Variants in ENPP3 observed in about 807,000 individuals in gnomAD.
The protein encoded by ENPP3 is ectonucleotide pyrophosphatase/phosphodiesterase family member 3.
Under a neutral mutation model 117.8 loss-of-function variants are expected in ENPP3, and 104 were observed. That is an observed-to-expected ratio of 0.88 (90% CI 0.75 to 1.04). The LOEUF is 1.04. Ranked by LOEUF, ENPP3 falls within the 50% of genes least tolerant of loss-of-function variation. The pLI is 0.00. For synonymous variants in ENPP3, 380 were observed against 349.9 expected (o/e 1.09, Z -0.96); for missense variants, 1,026 against 1,051.9 (o/e 0.98, Z 0.34).
rs1778813371 is a variant in ENPP3 at position 131,674,174 on chromosome 6, G to C, written c.655G>C (p.Glu219Gln). The C allele has an allele frequency of 5.2e-6, 8 of 1,549,178 alleles. No homozygotes were observed. Among genetic ancestry groups the C allele is most frequent in the Non-Finnish European group, 6.2e-6 (7 of 1,123,416 alleles). The change falls in exon 8 of 25, where the codon GAG becomes CAG. Residue 219 changes from glutamate (E) to glutamine (Q), a missense_variant. Glu to Gln is a conservative substitution (Grantham distance 29). Coordinates refer to ENST00000357639, the MANE Select transcript of ENPP3 (RefSeq NM_005021.5). ...HYTIVTGLYPESHGIIDNNMY... is the reference protein window; with the variant it reads ...HYTIVTGLYPQSHGIIDNNMY... ...ATTATCATTTTAGGGCTTGTATCCA[G>C]AGTCACATGGCATCATTGACAATAA...
In ENPP3 at chr6:131,726,016, C is replaced by T. The variant is rs1344609253; in HGVS notation, c.1799-30C>T. Reference sequence around the variant, plus strand: ...AAGAAGCATTTGCTAATTTCATGAACCTTTTTATTTTATGTTATTTTAATT... The same window carrying T: ...AAGAAGCATTTGCTAATTTCATGAATCTTTTTATTTTATGTTATTTTAATT... On this transcript the variant is annotated intron_variant, in intron 19 of 24. Coordinates refer to ENST00000357639, the MANE Select transcript of ENPP3 (RefSeq NM_005021.5). 3.2e-6 allele frequency: 5 copies of T among 1,548,526 alleles called. No homozygotes were observed. The Admixed American group carries it at 8.5e-5, about 26-fold the overall frequency.
At chr6:131,717,467 C>G (rs1296117571) in intron 15 of ENPP3, among the ~76,000 whole-genome samples, 2 of 148,392 alleles carry the variant, frequency 1.3e-5, no homozygotes, top group Non-Finnish European at 3.0e-5. Flanking sequence ...TTAGGGCCAG[C>G]CTTTGGAAAT....
chr6:131,674,585 T>G (rs1778824547), intron 8 of ENPP3, among the ~76,000 whole-genome samples: 1 of 151,972 alleles, frequency 6.6e-6, no homozygotes, highest in Non-Finnish European at 1.5e-5. Flanking sequence ...TTTTTTTCTT[T>G]TTTTTTGAGA....
Position 131,652,649 on chromosome 6 carries a change from T to C in ENPP3, c.385T>C (p.Tyr129His). The change falls in exon 4 of 25, where the codon TAT (tyrosine) becomes CAT (histidine). Residue 129 changes from tyrosine to histidine, a missense_variant. By Grantham distance (83) the Tyr-to-His change is moderately conservative. Coordinates refer to ENST00000357639, the MANE Select transcript of ENPP3 (RefSeq NM_005021.5). Reference protein sequence around the residue: ...CLQRKDCCADYKSVCQGETSW... With the variant: ...CLQRKDCCADHKSVCQGETSW... ...GCAGAGGAAAGATTGCTGTGCTGAC[T>C]ATAAGAGTGTTTGCCAAGGTGAGCA... 6.2e-7 allele frequency: 1 copy of C among 1,614,074 alleles called. No homozygotes were observed. Among genetic ancestry groups the C allele is most frequent in the Non-Finnish European group, 8.5e-7 (1 of 1,179,960 alleles).
intron 20 of ENPP3, among the ~76,000 whole-genome samples, chr6:131,727,906 T>C (rs570878023): frequency 6.6e-6 from 1 of 152,338 alleles, no homozygotes; most frequent in South Asian, 2.1e-4. Context: ...ATTGATTGCA[T>C]AGGTTTACCT....
Position 131,641,458 on chromosome 6 carries a change from C to A in ENPP3, c.82C>A (p.Leu28Ile). Residue 28 changes from leucine (L) to isoleucine (I), a missense_variant, in exon 2 of 25, where the codon CTT becomes ATT. Coordinates refer to ENST00000357639, the MANE Select transcript of ENPP3 (RefSeq NM_005021.5). The part of the protein sequence containing the change: ...LKKYKIACIV[L>I]LALLVIMSLG... ...TACTTTTTCCTTTTTGCAATAGGTT[C>A]TTCTTGCTTTGCTGGTGATCATGTC... The A allele has an allele frequency of 1.2e-6, 2 of 1,608,374 alleles. No homozygotes were observed. Among genetic ancestry groups the A allele is most frequent in the East Asian group, 2.2e-5 (1 of 44,806 alleles).
intron 19 of ENPP3, 26 bp downstream of exon 19, chr6:131,724,117 T>C: frequency 6.5e-7 from 1 of 1,545,380 alleles, no homozygotes; most frequent in Non-Finnish European, 8.9e-7. Flanking sequence ...ACATGTTAAG[T>C]CTTTGATATT....
chr6:131,682,851 A>T (rs1779055031), intron 11 of ENPP3, among the ~76,000 whole-genome samples: 1 of 152,194 alleles, frequency 6.6e-6, no homozygotes, highest in African/African-American at 2.4e-5. Context: ...AGGAAGTATG[A>T]TTTAGATTTT....
chr6:131,726,055 C>T lies in ENPP3; in HGVS notation c.1808C>T (p.Thr603Ile), dbSNP rs1186809971. ...GTTATTTTAATTTTAGTAACAGCAA[C>T]AGTGAAAGTAAATTTGCCATTTGGG... ...LNLTQEEITATVKVNLPFGRP... is the reference protein window; with the variant it reads ...LNLTQEEITAIVKVNLPFGRP... Residue 603 changes from threonine to isoleucine, a missense_variant, in exon 20 of 25, where the codon ACA (threonine) becomes ATA (isoleucine). Thr to Ile is a moderately conservative substitution (Grantham distance 89). Transcript: ENST00000357639. The T allele has an allele frequency of 1.2e-6, 2 of 1,608,450 alleles. No individual in the cohort carries two copies. The highest frequency in any genetic ancestry group is 1.7e-4 in the Middle Eastern group (1 of 6,058).
chr6:131,656,490 G>GTACTGTT (rs1778387160), intron 5 of ENPP3, among the ~76,000 whole-genome samples: 7 of 152,076 alleles, frequency 4.6e-5, no homozygotes, highest in Non-Finnish European at 1.5e-5. Context: ...GTCGTAGGCC[G>GTACTGTT]GGCATGGTGG....
At chr6:131,676,249 GTTTTT>G (rs202004046) in intron 9 of ENPP3, among the ~76,000 whole-genome samples, 1 of 139,144 alleles carries the variant, frequency 7.2e-6, no homozygotes, top group Non-Finnish European at 1.6e-5. Flanking sequence ...CTCTGCTCTA[GTTTTT>G]TTTTTTTTTT....
At chr6:131,734,173 A>T (rs1206139272) in intron 21 of ENPP3, among the ~76,000 whole-genome samples, 1 of 152,186 alleles carries the variant, frequency 6.6e-6, no homozygotes, top group Middle Eastern at 3.2e-3. Context: ...AATAAAATAA[A>T]ATAAAAAAAG....
intron 21 of ENPP3, among the ~76,000 whole-genome samples, chr6:131,735,258 G>A (rs1055740665): frequency 1.4e-4 from 22 of 151,930 alleles, no homozygotes; most frequent in Non-Finnish European, 2.8e-4. Context: ...AAAAATAGAA[G>A]TTCTATTACT....
At chr6:131,639,289 T>C (rs1435527687) in intron 1 of ENPP3, among the ~76,000 whole-genome samples, 2 of 93,240 alleles carry the variant, frequency 2.1e-5, no homozygotes, top group Non-Finnish European at 4.9e-5. Context: ...CTCTCTCTCT[T>C]TTTTTTGGAG....
chr6:131,682,911 G>A (rs1779056411), intron 11 of ENPP3, 143 bp from the exon 12 acceptor site: 2 of 641,250 alleles, frequency 3.1e-6, no homozygotes, highest in Non-Finnish European at 5.6e-6. Context: ...GGTAGCATGG[G>A]TGCTAGTGCT....
At chr6:131,729,989 A>T (rs889117482) in intron 20 of ENPP3, among the ~76,000 whole-genome samples, 39 of 152,344 alleles carry the variant, frequency 2.6e-4, no homozygotes, top group African/African-American at 9.1e-4. Flanking sequence ...CACAACTTTT[A>T]CAGCCACAGC....
chr6:131,650,009 ATTTCC>A lies in ENPP3; in HGVS notation c.155-14_155-10del, dbSNP rs748785644. Reference sequence around the variant, plus strand: ...AATAGCTCCTAAATGTTCGGGCCCTATTTCCTTTACTTTGTAGGCAGCTGCAGGAA... The same window carrying A: ...AATAGCTCCTAAATGTTCGGGCCCTATTTACTTTGTAGGCAGCTGCAGGAA... On this transcript the variant is annotated splice_polypyrimidine_tract_variant and intron_variant, in intron 2 of 24. Coordinates refer to ENST00000357639, the MANE Select transcript of ENPP3 (RefSeq NM_005021.5). 1 of 1,613,280 alleles carries A rather than the reference ATTTCC, an allele frequency of 6.2e-7. No homozygotes were observed. The highest frequency in any genetic ancestry group is 8.5e-7 in the Non-Finnish European group (1 of 1,179,672).
chr6:131,670,372 A>C (rs1434415241), intron 6 of ENPP3, among the ~76,000 whole-genome samples: 1 of 152,046 alleles, frequency 6.6e-6, no homozygotes, highest in East Asian at 1.9e-4. Context: ...TATAGAGTAC[A>C]TTTAGCTCAG....
At chr6:131,676,277 T>G (rs1778866838) in intron 9 of ENPP3, among the ~76,000 whole-genome samples, 1 of 152,024 alleles carries the variant, frequency 6.6e-6, no homozygotes, top group Non-Finnish European at 1.5e-5. Flanking sequence ...TCCACAACAT[T>G]TATCACCTTT....
Sources: allele counts gnomAD v4.1 joint callset (sites outside exome capture counted in the v4.1 genomes callset), GRCh38; gene constraint gnomAD v4.1.1; transcripts MANE v1.5; gene names NCBI Gene and HGNC (gene_info 2026-07-23, HGNC 2026-07-21).